LRRC4C: variants seen among roughly 807,000 people sequenced by gnomAD.
LRRC4C encodes the protein leucine rich repeat containing 4C.
Under a neutral mutation model 33.6 loss-of-function variants are expected in LRRC4C, and 5 were observed. The ratio of observed to expected loss-of-function variants is 0.15; its 90% confidence interval spans 0.08 to 0.31. The LOEUF (loss-of-function observed/expected upper bound fraction) is 0.31, where lower values mean the gene tolerates loss of function less well. LRRC4C is among the 10% of genes least tolerant of loss of function. The probability of loss-of-function intolerance (pLI) is 1.00; values close to 1 mark genes in which losing one functional copy is unlikely to be tolerated. For synonymous variants in LRRC4C, 329 were observed against 302.0 expected, an observed-to-expected ratio of 1.09 and a Z score of -0.93; for missense variants, 560 against 796.7, an observed-to-expected ratio of 0.70 and a Z score of 3.58.
rs550769144 is a variant in LRRC4C, at chr11:40,488,281, T to C, written c.-270+159861A>G. Among the ~76,000 whole-genome samples, 704 of 150,742 alleles carry C rather than the reference T, an allele frequency of 4.7e-3. 2 individuals carry two copies. Among genetic ancestry groups the C allele is most frequent in the African/African-American group, 0.012 (478 of 41,164 alleles). ...AAAGCACGCATACAGGGTGTTTTTTTCCCCCCCCCACTTAAAGGAAAATAT... is the reference window on the plus strand; with the variant it reads ...AAAGCACGCATACAGGGTGTTTTTTCCCCCCCCCCACTTAAAGGAAAATAT... On this transcript the variant is annotated intron_variant, in intron 3 of 6. Coordinates refer to ENST00000528697, the MANE Select transcript of LRRC4C (RefSeq NM_001258419.2).
At chr11:41,413,149 T>C (rs1033357134) in intron 1 of LRRC4C, among the ~76,000 whole-genome samples, 1 of 152,194 alleles carries the variant, frequency 6.6e-6, no homozygotes, top group Non-Finnish European at 1.5e-5. Flanking sequence ...TTTGATTTAC[T>C]AGAGAACCCC....
At chr11:40,477,956 C>T (rs539197338) in intron 3 of LRRC4C, among the ~76,000 whole-genome samples, 58 of 152,126 alleles carry the variant, frequency 3.8e-4, no homozygotes, top group Non-Finnish European at 3.2e-4. Flanking sequence ...GTCAGTAAGT[C>T]CCATGAGGAC....
intron 1 of LRRC4C, among the ~76,000 whole-genome samples, chr11:41,248,461 C>T (rs1410843367): frequency 1.3e-5 from 2 of 152,086 alleles, no homozygotes; most frequent in African/African-American, 2.4e-5. Flanking sequence ...AGTGATTCAT[C>T]CCTTATCTTT....
At chr11:41,366,126 CT>C (rs1458313579) in intron 1 of LRRC4C, among the ~76,000 whole-genome samples, 1 of 151,484 alleles carries the variant, frequency 6.6e-6, no homozygotes, top group African/African-American at 2.4e-5. Flanking sequence ...ATTTATATAC[CT>C]GGTAAATTAT....
At chr11:41,085,908 A>G (rs1590500793) in intron 1 of LRRC4C, among the ~76,000 whole-genome samples, 1 of 146,280 alleles carries the variant, frequency 6.8e-6, no homozygotes, top group East Asian at 2.0e-4. Context: ...AAAGGGATTC[A>G]TAAGTGATTT....
At chr11:41,105,911 A>C (rs1941464943) in intron 1 of LRRC4C, among the ~76,000 whole-genome samples, 1 of 152,152 alleles carries the variant, frequency 6.6e-6, no homozygotes, top group Non-Finnish European at 1.5e-5. Flanking sequence ...CAATAATACC[A>C]AGATATTTCT....
intron 1 of LRRC4C, among the ~76,000 whole-genome samples, chr11:41,006,452 G>T (rs375585782): frequency 5.3e-5 from 8 of 151,994 alleles, no homozygotes; most frequent in African/African-American, 1.7e-4. Context: ...ATCTCTATTG[G>T]CCACTCCCCA....
intron 1 of LRRC4C, among the ~76,000 whole-genome samples, chr11:41,235,981 T>A (rs1328428826): frequency 6.6e-6 from 1 of 152,098 alleles, no homozygotes; most frequent in Non-Finnish European, 1.5e-5. Flanking sequence ...CCCAGCTACA[T>A]TTTTCAGGCT....
chr11:40,913,978 C>T (rs796672210), intron 2 of LRRC4C, among the ~76,000 whole-genome samples: 47 of 152,250 alleles, frequency 3.1e-4, no homozygotes, highest in African/African-American at 1.1e-3. Flanking sequence ...GACATATACA[C>T]CCTCCCAAGA....
At chr11:40,349,545 A>G (rs998730850) in intron 3 of LRRC4C, among the ~76,000 whole-genome samples, 1 of 152,028 alleles carries the variant, frequency 6.6e-6, no homozygotes, top group Non-Finnish European at 1.5e-5. Flanking sequence ...GAGTGCAGAT[A>G]TTTCTTCAAT....
intron 3 of LRRC4C, among the ~76,000 whole-genome samples, chr11:40,376,453 G>A (rs539370185): frequency 1.1e-4 from 17 of 152,156 alleles, no homozygotes; most frequent in Non-Finnish European, 2.1e-4. Context: ...AGAAACCAGA[G>A]AGAAATGTAC....
intron 3 of LRRC4C, among the ~76,000 whole-genome samples, chr11:40,503,303 C>T (rs1428669824): frequency 6.6e-6 from 1 of 152,174 alleles, no homozygotes; most frequent in Non-Finnish European, 1.5e-5. Context: ...GCATCTAACA[C>T]AGTGTTCATG....
At chr11:40,685,717 A>G (rs190458918) in intron 2 of LRRC4C, among the ~76,000 whole-genome samples, 10 of 152,062 alleles carry the variant, frequency 6.6e-5, no homozygotes, top group Admixed American at 6.6e-4. Flanking sequence ...ATCAGAGAAG[A>G]GAGAGAACTT....
At chr11:40,921,761 T>A (rs1957190891) in intron 2 of LRRC4C, among the ~76,000 whole-genome samples, 1 of 152,196 alleles carries the variant, frequency 6.6e-6, no homozygotes, top group Admixed American at 6.5e-5. Flanking sequence ...GTTGGCAACA[T>A]TACCAATCTG....
rs12290302 is a variant in LRRC4C at position 40,748,428 on chromosome 11, C to T, written c.-406-100150G>A. On this transcript the variant is annotated intron_variant, in intron 2 of 6. Transcript: ENST00000528697. ...CTCAAGGGAGTAAAAAACCTTAAGT[C>T]GAAAGGACATTTACCATCATCAAAA... Among the ~76,000 whole-genome samples, 386 of 151,990 alleles carry T rather than the reference C, an allele frequency of 2.5e-3. 2 individuals are homozygous for T. Among genetic ancestry groups the T allele is most frequent in the African/African-American group, 8.7e-3 (359 of 41,490 alleles).
chr11:40,741,127 G>GA (rs995624084), intron 2 of LRRC4C, among the ~76,000 whole-genome samples: 18 of 151,626 alleles, frequency 1.2e-4, no homozygotes, highest in African/African-American at 4.1e-4. Context: ...ATAAGGTAAG[G>GA]AAAAAAAGCC....
chr11:40,359,851 C>A (rs1947866724), intron 3 of LRRC4C, among the ~76,000 whole-genome samples: 1 of 152,068 alleles, frequency 6.6e-6, no homozygotes, highest in East Asian at 1.9e-4. Flanking sequence ...GAATTTTTGA[C>A]TAGTAGCTTT....
chr11:40,323,565 T>C (rs1945956608), intron 3 of LRRC4C, among the ~76,000 whole-genome samples: 1 of 152,224 alleles, frequency 6.6e-6, no homozygotes, highest in African/African-American at 2.4e-5. Context: ...GTTGGCCCTA[T>C]CCACTAAAGT....
chr11:40,621,008 A>G (rs575293820), intron 3 of LRRC4C, among the ~76,000 whole-genome samples: 1 of 151,698 alleles, frequency 6.6e-6, no homozygotes, highest in East Asian at 1.9e-4. Flanking sequence ...AGGGCTGGAG[A>G]GTGCATATAC....
Sources: gnomAD v4.1 joint callset for allele counts (sites outside exome capture counted in the v4.1 genomes callset) on GRCh38, gnomAD v4.1.1 for gene constraint, MANE v1.5 for transcripts, NCBI Gene and HGNC (gene_info 2026-07-23, HGNC 2026-07-21) for gene names.